Variants in ACIN1 observed in about 807,000 individuals in gnomAD.
ACIN1 encodes apoptotic chromatin condensation inducer 1.
ACIN1 carries 16 observed loss-of-function variants against 146.6 expected under a neutral mutation model. That is an observed-to-expected ratio of 0.11 (90% confidence interval 0.07 to 0.17). The LOEUF is 0.17. Ranked by LOEUF, ACIN1 falls within the 10% of genes least tolerant of loss-of-function variation. The pLI is 1.00. For synonymous variants in ACIN1, 569 were observed against 582.7 expected (o/e 0.98, Z 0.34); for missense variants, 1,357 against 1,609.3 (o/e 0.84, Z 2.68).
At chr14:23,089,890 A>G (rs961310912) in intron 4 of ACIN1, 92 bp downstream of exon 4, 2 of 1,377,506 alleles carry the variant, frequency 1.5e-6, no homozygotes, top group African/African-American at 2.9e-5. Flanking sequence ...TGGGACTTTC[A>G]TGGAGGCTTA....
intron 4 of ACIN1, among the ~76,000 whole-genome samples, chr14:23,087,134 A>G (rs2048108678): frequency 6.6e-6 from 1 of 152,232 alleles, no homozygotes; most frequent in East Asian, 1.9e-4. Context: ...TTCAAAGCCA[A>G]CAAATAAGCT....
rs2047902515 is a variant in ACIN1 at position 23,080,057 on chromosome 14, T to C, written c.1278A>G (p.Ser426=). The change falls in exon 6 of 19, where the codon TCA becomes TCG. Residue 426 remains serine, a synonymous_variant. Coordinates refer to ENST00000605057, the MANE Select transcript of ACIN1 (RefSeq NM_001386863.1). ...VGGLSPLSSP[S]DTKAESPAEK... is the part of the protein sequence containing the mutation. Reference sequence around the variant, plus strand: ...CTGCTGGAGATTCTGCTTTGGTGTCTGAAGGACTTGACAAAGGAGACAGGC... The same window carrying C: ...CTGCTGGAGATTCTGCTTTGGTGTCCGAAGGACTTGACAAAGGAGACAGGC... 1 of 1,614,050 alleles carries C rather than the reference T, an allele frequency of 6.2e-7. No individual in the cohort carries two copies. Among genetic ancestry groups the C allele is most frequent in the Non-Finnish European group, 8.5e-7 (1 of 1,180,032 alleles).
chr14:23,093,195 T>C (rs2048271441), intron 2 of ACIN1, among the ~76,000 whole-genome samples: 2 of 152,226 alleles, frequency 1.3e-5, no homozygotes, highest in Admixed American at 6.5e-5. Flanking sequence ...GATAAATGAC[T>C]TCAGATCTCT....
chr14:23,095,100 C>G lies in ACIN1; in HGVS notation c.13G>C (p.Glu5Gln). 3 of 1,614,256 alleles carry G rather than the reference C, an allele frequency of 1.9e-6. No homozygotes were observed. The highest frequency in any genetic ancestry group is 3.3e-4 in the Middle Eastern group (2 of 6,062). The change falls in exon 1 of 19, where the codon GAG becomes CAG. Residue 5 changes from glutamate (E) to glutamine (Q), a missense_variant. Glu to Gln is a conservative substitution (Grantham distance 29). This residue lies in a region of ACIN1 where 22 missense variants were observed against 19.1 expected (regional missense o/e 1.15). Transcript: ENST00000605057. ...GGCTTCCCGTCCAGAGTCACCTCCT[C>G]CAGCTCCGCCATCTTGCGTGAGGTA... is the stretch of plus-strand genomic sequence containing the variant. MAEL[E>Q]EVTLDGKPLQ...
Position 23,068,158 on chromosome 14 carries a change from A to G in ACIN1, c.2265+1318T>C, listed in dbSNP as rs2047515991. 1.0e-6 allele frequency: 1 copy of G among 985,572 alleles called. No individual in the cohort carries two copies. Among genetic ancestry groups the G allele is most frequent in the African/African-American group, 1.7e-5 (1 of 57,160 alleles). The allele number at this position is 985,572 out of a possible 1,614,324, so 61.1% of individuals were successfully genotyped here. ...AAATCCCCAGGGGCTCAGACCCTAG[A>G]CTCCTCTGCACGGTTCCTAGTCGTC... On this transcript the variant is annotated intron_variant, in intron 9 of 18. Coordinates refer to ENST00000605057, the MANE Select transcript of ACIN1 (RefSeq NM_001386863.1). This position sits in a 1 kb window ranked among gnomAD's most constrained non-coding sequence, Gnocchi z 4.3.
At chr14:23,094,758 C>A in intron 1 of ACIN1, 2 of 750,780 alleles carry the variant, frequency 2.7e-6, no homozygotes, top group South Asian at 1.9e-5. Context: ...TGCACACCCT[C>A]CCATTTGGGC....
intron 6 of ACIN1, 138 bp from the exon 7 acceptor site, chr14:23,079,176 G>C: frequency 1.1e-6 from 1 of 916,566 alleles, no homozygotes; most frequent in Non-Finnish European, 1.6e-6. Flanking sequence ...CATTTTGTCT[G>C]TGTTTATTCC....
upstream of ACIN1, chr14:23,095,470 T>C (rs536659237): frequency 2.4e-6 from 2 of 833,064 alleles, no homozygotes; most frequent in African/African-American, 1.7e-5. Flanking sequence ...GCTGGGGCGC[T>C]TGGGTGTTTG....
At chr14:23,069,648 G>GGGGCGCCGCC in intron 8 of ACIN1, 31 bp from the exon 9 acceptor site, 1 of 589,384 alleles carries the variant, frequency 1.7e-6, no homozygotes, top group African/African-American at 1.9e-5. Context: ...TGGTGGGGGG[G>GGGGCGCCGCC]CGGGCAGAAA....
chr14:23,093,426 A>G lies in ACIN1; in HGVS notation c.204+53T>C. ...CAAATATACAACACCACGTCCTTCC[A>G]TGTGTCTGGATATCCAAAGGGCCCA... On this transcript the variant is annotated intron_variant, in intron 2 of 18. Transcript: ENST00000605057. 2.6e-6 allele frequency: 4 copies of G among 1,528,586 alleles called. No individual in the cohort carries two copies. The Admixed American group carries it at 5.0e-5, about 19-fold the overall frequency. 94.7% of individuals were successfully genotyped at this position (1,528,586 alleles called of 1,614,324 possible). A position where few individuals can be genotyped will look rare whatever the true frequency, so the allele number is the denominator to read the frequency against.
intron 18 of ACIN1, 103 bp downstream of exon 18, chr14:23,060,981 A>C (rs1312681445): frequency 9.3e-7 from 1 of 1,074,770 alleles, no homozygotes; most frequent in East Asian, 2.4e-5. Flanking sequence ...TAAACCTAGG[A>C]AGTACTTGGG....
At position 23,059,235 on chromosome 14, in the gene ACIN1, G is replaced by C. The variant is rs200642526; in HGVS notation, c.3765C>G (p.Gly1255=). The change falls in exon 19 of 19, where the codon GGC becomes GGG. Residue 1255 remains glycine, a synonymous_variant. Coordinates refer to ENST00000605057, the MANE Select transcript of ACIN1 (RefSeq NM_001386863.1). The part of the protein sequence containing the change: ...DRDRERDRER[G]RERDRRDTKR... ...TGGTGTCCCTGCGATCCCTTTCCCT[G>C]CCTCGTTCTCGGTCCCTTTCCCTAT... 1 of 1,613,746 alleles carries C rather than the reference G, an allele frequency of 6.2e-7. No homozygotes were observed. Among genetic ancestry groups the C allele is most frequent in the Non-Finnish European group, 8.5e-7 (1 of 1,179,854 alleles).
Position 23,063,235 on chromosome 14 carries a change from ACCT to A in ACIN1, c.2738-164_2738-162del, listed in dbSNP as rs955717541. ...ATCTGCAAAGTACTGTGCTAGGCTA[ACCT>A]CCTCATCATGGAGATTCAAAGATTA... On this transcript the variant is annotated intron_variant, in intron 13 of 18. Coordinates refer to ENST00000605057, the MANE Select transcript of ACIN1 (RefSeq NM_001386863.1). 1.7e-5 allele frequency: 19 copies of A among 1,105,356 alleles called. No individual in the cohort carries two copies. In the South Asian group the frequency reaches 2.1e-4, roughly 12 times the overall value. The allele number at this position is 1,105,356 out of a possible 1,614,324, so 68.5% of individuals were successfully genotyped here. A position where few individuals can be genotyped will look rare whatever the true frequency, so the allele number is the denominator to read the frequency against.
rs774605825 is a variant in ACIN1 at position 23,064,149 on chromosome 14, C to T, written c.2551G>A (p.Gly851Arg). 3.1e-6 allele frequency: 5 copies of T among 1,614,078 alleles called. No homozygotes were observed. In the African/African-American group the frequency reaches 4.0e-5, roughly 13 times the overall value. The change falls in exon 12 of 19, where the codon GGG becomes AGG. Residue 851 changes from glycine to arginine, a missense_variant. Around this residue, in one of 4 missense-constraint regions of ACIN1, gnomAD observed 509 missense variants for 719.6 expected, o/e 0.71. Coordinates refer to ENST00000605057, the MANE Select transcript of ACIN1 (RefSeq NM_001386863.1). ...EDETERNGDD[G>R]THDKGLKICR... ...ATTTTCAGCCCCTTGTCATGGGTCC[C>T]ATCATCGCCATTACGCTCTGTCTCA...
chr14:23,094,330 T>C (rs2048309843), intron 1 of ACIN1, among the ~76,000 whole-genome samples: 2 of 152,104 alleles, frequency 1.3e-5, no homozygotes, highest in Admixed American at 6.5e-5. Flanking sequence ...CCCACCTTAA[T>C]CTACTCAAAC....
In ACIN1 at chr14:23,080,697, T is replaced by C. The variant is rs1266553297; in HGVS notation, c.638A>G (p.Glu213Gly). 6.2e-7 allele frequency: 1 copy of C among 1,613,978 alleles called. No homozygotes were observed. Among genetic ancestry groups the C allele is most frequent in the East Asian group, 2.2e-5 (1 of 44,878 alleles). Residue 213 changes from glutamate to glycine, a missense_variant, in exon 6 of 19, where the codon GAG becomes GGG. Around this residue, in one of 4 missense-constraint regions of ACIN1, gnomAD observed 771 missense variants for 746.6 expected, o/e 1.03. Coordinates refer to ENST00000605057, the MANE Select transcript of ACIN1 (RefSeq NM_001386863.1). ...VRADRNLKTE[E>G]EEEEEEEEEE... is the part of the protein sequence containing the mutation. The stretch of plus-strand genomic sequence containing the variant: ...CTCCTCCTCCTCCTCCTCTTCTTCC[T>C]CCTCTGTTTTCAAATTTCGATCTGC...
rs754496933 is a variant in ACIN1, at chr14:23,095,123, G to A, written c.-11C>T. The A allele has an allele frequency of 2.5e-6, 4 of 1,614,100 alleles. No individual in the cohort carries two copies. The highest frequency in any genetic ancestry group is 3.4e-6 in the Non-Finnish European group (4 of 1,180,050). On this transcript the variant is annotated 5_prime_UTR_variant, in exon 1 of 19. Coordinates refer to ENST00000605057, the MANE Select transcript of ACIN1 (RefSeq NM_001386863.1). ...CTCCAGCTCCGCCATCTTGCGTGAG[G>A]TACTCGGGTCCGTCCCGACGGCTTC... is the stretch of plus-strand genomic sequence containing the variant.
At position 23,068,695 on chromosome 14, in the gene ACIN1, G is replaced by A; in HGVS notation, c.2265+781C>T. 6.1e-6 allele frequency: 6 copies of A among 985,738 alleles called. No individual in the cohort carries two copies. Among genetic ancestry groups the A allele is most frequent in the Non-Finnish European group, 7.2e-6 (6 of 829,966 alleles). 61.1% of individuals were successfully genotyped at this position (985,738 alleles called of 1,614,324 possible). On this transcript the variant is annotated intron_variant, in intron 9 of 18. Transcript: ENST00000605057. The surrounding 1 kb of genome is among the most constrained non-coding windows in gnomAD (Gnocchi z 4.3). ...TACTTGGACAAAGTTTTACGGGGAA[G>A]AAGGACCTTGTAATAAATAATATTC...
chr14:23,072,880 T>C, intron 8 of ACIN1, among the ~76,000 whole-genome samples: 1 of 152,234 alleles, frequency 6.6e-6, no homozygotes, highest in Non-Finnish European at 1.5e-5. Context: ...CTGTTAAAAG[T>C]TGTGTGATAG....
Sources: gnomAD v4.1 joint callset for allele counts (sites outside exome capture counted in the v4.1 genomes callset) on GRCh38, gnomAD v4.1.1 for gene constraint, gnomAD v4.1.1 regional missense constraint, Gnocchi (gnomAD v3.1) non-coding constraint, MANE v1.5 for transcripts, NCBI Gene and HGNC (gene_info 2026-07-23, HGNC 2026-07-21) for gene names.